Variants in LARGE1 observed in about 807,000 individuals in gnomAD.
The protein encoded by LARGE1 is LARGE xylosyl- and glucuronyltransferase 1.
In LARGE1, 43 loss-of-function variants were observed where a neutral mutation model predicts 87.6. The ratio of observed to expected loss-of-function variants is 0.49; its 90% CI spans 0.38 to 0.63. The LOEUF (loss-of-function observed/expected upper bound fraction) is 0.63. LARGE1 is among the 30% of genes least tolerant of loss of function. LARGE1 has a pLI of 0.00. For synonymous variants in LARGE1, 434 were observed against 394.6 expected (o/e 1.10, Z -1.18); for missense variants, 802 against 1,000.2 (o/e 0.80, Z 2.67).
intron 6 of LARGE1, among the ~76,000 whole-genome samples, chr22:33,456,649 G>A (rs572535964): frequency 3.9e-5 from 6 of 152,158 alleles, no homozygotes; most frequent in Non-Finnish European, 7.3e-5. Flanking sequence ...TTTAGCTCCT[G>A]AGAGATTCTA....
In LARGE1 at chr22:33,450,603, T is replaced by TTAAATAAATAAA. The variant is rs10605303; in HGVS notation, c.788-18350_788-18339dup. ...GCCTGGGCAACAAAGCAAGATTCTG[T>TTAAATAAATAAA]TAAATAAATAAATAAATAAATAAAT... On this transcript the variant is annotated intron_variant, in intron 6 of 14. Coordinates refer to ENST00000397394, the MANE Select transcript of LARGE1 (RefSeq NM_133642.5). Among the ~76,000 whole-genome samples, 255 of 149,400 alleles carry TTAAATAAATAAA rather than the reference T, an allele frequency of 1.7e-3. 1 individual carries two copies. Among genetic ancestry groups the TTAAATAAATAAA allele is most frequent in the South Asian group, 5.4e-3 (25 of 4,604 alleles).
At chr22:33,268,779 G>C (rs1261234661), downstream of LARGE1, among the ~76,000 whole-genome samples, 1 of 152,106 alleles carries the variant, frequency 6.6e-6, no homozygotes, top group Non-Finnish European at 1.5e-5. Flanking sequence ...TCATTGTCTG[G>C]TAATAAGGCG....
At chr22:33,220,884 T>C (rs928389341) in intron 11 of LARGE1, among the ~76,000 whole-genome samples, 2 of 152,196 alleles carry the variant, frequency 1.3e-5, no homozygotes, top group African/African-American at 2.4e-5. Context: ...TCCCTTGCTA[T>C]GCAGGGGACA....
chr22:33,373,890 C>A (rs1472698923), intron 9 of LARGE1, among the ~76,000 whole-genome samples: 1 of 144,164 alleles, frequency 6.9e-6, no homozygotes, highest in African/African-American at 2.6e-5. Context: ...AGGAGAATCA[C>A]TTGAACCCGG....
chr22:33,901,051 A>G (rs1169346103), intron 1 of LARGE1, among the ~76,000 whole-genome samples: 1 of 152,134 alleles, frequency 6.6e-6, no homozygotes, highest in African/African-American at 2.4e-5. Flanking sequence ...CTGTCTCAGA[A>G]AAAAAGGGAG....
In LARGE1 at chr22:33,297,852, C is replaced by T. The variant is rs549465127; in HGVS notation, c.1730+6377G>A. On this transcript the variant is annotated intron_variant, in intron 12 of 14. Coordinates refer to ENST00000397394, the MANE Select transcript of LARGE1 (RefSeq NM_133642.5). Reference sequence around the variant, plus strand: ...AAAATTAGCGAGGCGTGGTGGCAGGCGCCTGTAATCCTAGCTACTCAGGAG... The same window carrying T: ...AAAATTAGCGAGGCGTGGTGGCAGGTGCCTGTAATCCTAGCTACTCAGGAG... 1.5e-4 allele frequency among the ~76,000 whole-genome samples: 23 copies of T among 150,358 alleles called. No homozygotes were observed. In the South Asian group the frequency reaches 2.8e-3, roughly 18 times the overall value.
chr22:33,129,119 A>T, the LARGE1 span, among the ~76,000 whole-genome samples: 382 of 152,354 alleles, frequency 2.5e-3, no homozygotes, highest in African/African-American at 7.8e-3. Context: ...CTTTTAATTG[A>T]TATTTTCTAT....
chr22:33,418,496 A>C lies in LARGE1; in HGVS notation c.892+13665T>G, dbSNP rs117507179. On this transcript the variant is annotated intron_variant, in intron 7 of 14. Coordinates refer to ENST00000397394, the MANE Select transcript of LARGE1 (RefSeq NM_133642.5). Reference sequence around the variant, plus strand: ...ATAACATGGATGGAAAGTGCAAAGAAGAAATATAAATCAGAGTAAAGGGAT... The same window carrying C: ...ATAACATGGATGGAAAGTGCAAAGACGAAATATAAATCAGAGTAAAGGGAT... Among the ~76,000 whole-genome samples the C allele has an allele frequency of 4.1e-3, 622 of 152,332 alleles. 3 individuals carry two copies. The highest frequency in any genetic ancestry group is 0.032 in the East Asian group (165 of 5,178).
intron 3 of LARGE1, among the ~76,000 whole-genome samples, chr22:33,647,881 C>G (rs991554164): frequency 6.6e-6 from 1 of 152,078 alleles, no homozygotes; most frequent in Non-Finnish European, 1.5e-5. Flanking sequence ...CCTCAGCCTC[C>G]CAAGTAGCTG....
At chr22:33,378,327 C>T (rs2065050220) in intron 9 of LARGE1, among the ~76,000 whole-genome samples, 1 of 152,160 alleles carries the variant, frequency 6.6e-6, no homozygotes, top group African/African-American at 2.4e-5. Flanking sequence ...CCTCATTCTA[C>T]CTAAAACCAA....
chr22:33,385,742 C>A (rs949904245), intron 7 of LARGE1, among the ~76,000 whole-genome samples: 3 of 148,038 alleles, frequency 2.0e-5, no homozygotes, highest in Admixed American at 6.7e-5. Context: ...CTGCAGGCCA[C>A]TGCAGTCAAT....
chr22:33,067,002 T>C, the LARGE1 span, among the ~76,000 whole-genome samples: 1 of 152,144 alleles, frequency 6.6e-6, no homozygotes, highest in East Asian at 1.9e-4. Context: ...CTGACTGGCC[T>C]TTCTTCAGGC....
At chr22:33,758,773 T>C (rs2084616187) in intron 2 of LARGE1, among the ~76,000 whole-genome samples, 1 of 152,170 alleles carries the variant, frequency 6.6e-6, no homozygotes, top group South Asian at 2.1e-4. Context: ...CAACTTCTAA[T>C]CTCTTCCTTT....
intron 4 of LARGE1, among the ~76,000 whole-genome samples, chr22:33,610,817 G>A (rs2079405557): frequency 6.6e-6 from 1 of 152,112 alleles, no homozygotes; most frequent in South Asian, 2.1e-4. Context: ...GGTTTCCTGG[G>A]CCAGGGCCAG....
At chr22:33,483,582 A>G (rs371479896) in intron 6 of LARGE1, among the ~76,000 whole-genome samples, 6 of 152,270 alleles carry the variant, frequency 3.9e-5, no homozygotes, top group African/African-American at 1.4e-4. Flanking sequence ...GGAAAGAAAC[A>G]GGTGAGTGTG....
intron 9 of LARGE1, among the ~76,000 whole-genome samples, chr22:33,367,695 G>A (rs2064646821): frequency 6.6e-6 from 1 of 152,082 alleles, no homozygotes; most frequent in Non-Finnish European, 1.5e-5. Flanking sequence ...CCAAGTTGCT[G>A]GGATTACAGG....
At chr22:33,811,954 G>A (rs1460669278) in intron 1 of LARGE1, among the ~76,000 whole-genome samples, 4 of 152,170 alleles carry the variant, frequency 2.6e-5, no homozygotes, top group East Asian at 1.9e-4. Context: ...CGGGCTTAGC[G>A]CTCAATTGCA....
chr22:33,696,176 A>G (rs1009819288), intron 2 of LARGE1, among the ~76,000 whole-genome samples: 2 of 152,044 alleles, frequency 1.3e-5, no homozygotes, highest in African/African-American at 2.4e-5. Context: ...ACAGTTTCAT[A>G]GTCCAGCGAT....
intron 6 of LARGE1, among the ~76,000 whole-genome samples, chr22:33,462,575 G>A (rs1181219951): frequency 1.3e-5 from 2 of 152,192 alleles, no homozygotes; most frequent in Admixed American, 6.5e-5. Context: ...GAGGTCAGGA[G>A]TTTGAGACTA....
Sources: gnomAD v4.1 joint callset for allele counts (sites outside exome capture counted in the v4.1 genomes callset) on GRCh38, gnomAD v4.1.1 for gene constraint, MANE v1.5 for transcripts, NCBI Gene and HGNC (gene_info 2026-07-23, HGNC 2026-07-21) for gene names.